Variants in TNIK observed in about 807,000 individuals in gnomAD.
TNIK encodes TRAF2 and NCK-interacting protein kinase.
A neutral mutation model predicts 191.3 loss-of-function variants in TNIK; 49 were observed. That is an observed-to-expected ratio of 0.26 (90% CI 0.20 to 0.32). TNIK has a LOEUF of 0.32. Ranked by LOEUF, TNIK falls within the 10% of genes least tolerant of loss-of-function variation. TNIK has a pLI of 1.00. For missense variants in TNIK, 1,155 were observed against 1,702.3 expected (o/e 0.68, Z 5.66); for synonymous variants, 594 against 600.9 (o/e 0.99, Z 0.17).
intron 8 of TNIK, among the ~76,000 whole-genome samples, chr3:171,175,852 T>G (rs565037793): frequency 1.3e-5 from 2 of 152,356 alleles, no homozygotes; most frequent in Admixed American, 6.5e-5. Flanking sequence ...TGTTTCCAGA[T>G]ATCCCGAATG....
At chr3:171,319,878 C>T (rs534815714) in intron 2 of TNIK, among the ~76,000 whole-genome samples, 1 of 152,236 alleles carries the variant, frequency 6.6e-6, no homozygotes, top group Admixed American at 6.5e-5. Flanking sequence ...TCTGAGAAGA[C>T]AGGATGTCTT....
chr3:171,458,174 A>G (rs1395017889), intron 1 of TNIK, among the ~76,000 whole-genome samples: 1 of 107,140 alleles, frequency 9.3e-6, no homozygotes, highest in African/African-American at 3.6e-5. Flanking sequence ...CCTCCGACCG[A>G]TTCGCAGCAC....
chr3:171,338,845 A>G (rs1482618578), intron 2 of TNIK, among the ~76,000 whole-genome samples: 1 of 152,048 alleles, frequency 6.6e-6, no homozygotes, highest in Non-Finnish European at 1.5e-5. Flanking sequence ...TAACTACCGT[A>G]CAGTGCAGAA....
intron 28 of TNIK, among the ~76,000 whole-genome samples, chr3:171,078,113 T>C (rs1237162887): frequency 6.6e-6 from 1 of 152,214 alleles, no homozygotes; most frequent in Non-Finnish European, 1.5e-5. Flanking sequence ...GAAGGCCTTC[T>C]CATTTCCCAG....
chr3:171,283,220 C>T (rs559260289), intron 2 of TNIK, among the ~76,000 whole-genome samples: 126 of 150,382 alleles, frequency 8.4e-4, no homozygotes, highest in Non-Finnish European at 1.6e-3. Context: ...CCTTGGATTT[C>T]GTGTCTGGAG....
intron 2 of TNIK, among the ~76,000 whole-genome samples, chr3:171,343,593 T>A (rs1271810669): frequency 6.6e-6 from 1 of 152,192 alleles, no homozygotes; most frequent in Non-Finnish European, 1.5e-5. Flanking sequence ...TGTTCACTTA[T>A]GCTGTTCTGC....
At chr3:171,103,275 AGAAGGCCAACTCTGTTT>A (rs1723914012) in intron 21 of TNIK, among the ~76,000 whole-genome samples, 1 of 152,204 alleles carries the variant, frequency 6.6e-6, no homozygotes, top group Non-Finnish European at 1.5e-5. Context: ...AATTGTATTT[AGAAGGCCAACTCTGTTT>A]AAATGTAATG....
Position 171,060,949 on chromosome 3 carries a change from G to T in TNIK, c.*2932C>A, listed in dbSNP as rs570673601. ...GGCTCAGTTTCTCCAGTTTCTCTTTGTAGGAAAATAAAAATAAAATGAGCC... is the reference window on the plus strand; with the variant it reads ...GGCTCAGTTTCTCCAGTTTCTCTTTTTAGGAAAATAAAAATAAAATGAGCC... On this transcript the variant is annotated 3_prime_UTR_variant, in exon 33 of 33. Transcript: ENST00000436636. Among the ~76,000 whole-genome samples, 21 of 152,152 alleles carry T rather than the reference G, an allele frequency of 1.4e-4. No individual in the cohort carries two copies. Among genetic ancestry groups the T allele is most frequent in the African/African-American group, 4.8e-4 (20 of 41,498 alleles).
chr3:171,216,250 GTTT>G (rs1741440537), intron 3 of TNIK, among the ~76,000 whole-genome samples: 1 of 152,146 alleles, frequency 6.6e-6, no homozygotes, highest in East Asian at 1.9e-4. Context: ...TGCAATAGAA[GTTT>G]TTTTCAGGAT....
intron 2 of TNIK, among the ~76,000 whole-genome samples, chr3:171,276,432 C>T (rs537126718): frequency 2.7e-4 from 41 of 152,026 alleles, no homozygotes; most frequent in African/African-American, 8.7e-4. Context: ...ACTTGGATGT[C>T]GGAAAATGTC....
At chr3:171,459,435 C>T (rs373823567) in intron 1 of TNIK, among the ~76,000 whole-genome samples, 1 of 152,010 alleles carries the variant, frequency 6.6e-6, no homozygotes, top group African/African-American at 2.4e-5. Context: ...AGAGGGCGCC[C>T]GGGCGCGGGA....
chr3:171,201,386 C>T (rs1268914620), intron 4 of TNIK, among the ~76,000 whole-genome samples: 5 of 151,766 alleles, frequency 3.3e-5, no homozygotes, highest in Non-Finnish European at 5.9e-5. Flanking sequence ...GCAACAAGAG[C>T]GAAACTCCGT....
chr3:171,182,597 G>A (rs767338027), intron 7 of TNIK, among the ~76,000 whole-genome samples: 5 of 152,170 alleles, frequency 3.3e-5, no homozygotes, highest in African/African-American at 9.6e-5. Context: ...ACAAACAGAA[G>A]AGAGACAAAT....
intron 2 of TNIK, among the ~76,000 whole-genome samples, chr3:171,274,762 T>TGA (rs10630430): frequency 0.35 from 53,537 of 151,860 alleles, 9,790 homozygotes; most frequent in African/African-American, 0.45. Context: ...CTCACTAAAT[T>TGA]GAGTTAAGAA....
intron 3 of TNIK, among the ~76,000 whole-genome samples, chr3:171,223,180 C>A: frequency 6.6e-6 from 1 of 152,124 alleles, no homozygotes; most frequent in East Asian, 1.9e-4. Context: ...GCCCTCTCAG[C>A]CTCATGCCTT....
At chr3:171,165,435 A>AAG (rs1560205116) in intron 10 of TNIK, among the ~76,000 whole-genome samples, 1 of 149,138 alleles carries the variant, frequency 6.7e-6, no homozygotes, top group Non-Finnish European at 1.5e-5. Flanking sequence ...AAAAAAAAAA[A>AAG]AGGAACTCTT....
At chr3:171,248,095 G>C (rs1040669274) in intron 2 of TNIK, among the ~76,000 whole-genome samples, 1 of 152,180 alleles carries the variant, frequency 6.6e-6, no homozygotes, top group Non-Finnish European at 1.5e-5. Context: ...TAGGATGAAA[G>C]AAGGTAAGAA....
chr3:171,387,733 T>G (rs1404134483), intron 1 of TNIK, among the ~76,000 whole-genome samples: 1 of 152,162 alleles, frequency 6.6e-6, no homozygotes, highest in Non-Finnish European at 1.5e-5. Flanking sequence ...CTATTTGGCT[T>G]AAATCAAAGC....
At chr3:171,107,144 C>A in intron 21 of TNIK, 39 bp downstream of exon 21, 1 of 1,593,090 alleles carries the variant, frequency 6.3e-7, no homozygotes, top group Non-Finnish European at 8.5e-7. Flanking sequence ...TTAATATTTA[C>A]ATTTTGTGAA....
Sources: allele counts gnomAD v4.1 joint callset (sites outside exome capture counted in the v4.1 genomes callset), GRCh38; gene constraint gnomAD v4.1.1; transcripts MANE v1.5; gene names NCBI Gene and HGNC (gene_info 2026-07-23, HGNC 2026-07-21).